Variants in DPP10 observed in about 807,000 individuals in gnomAD.
The protein encoded by DPP10 is inactive dipeptidyl peptidase 10.
In DPP10, 33 loss-of-function variants were observed where a neutral mutation model predicts 120.9. The ratio of observed to expected loss-of-function variants is 0.27; its 90% CI spans 0.21 to 0.37. The LOEUF is 0.37. DPP10 is among the 10% of genes least tolerant of loss of function. The probability of loss-of-function intolerance (pLI) is 1.00; values close to 1 mark genes in which losing one functional copy is unlikely to be tolerated. For synonymous variants in DPP10, 337 were observed against 326.1 expected (o/e 1.03, Z -0.36); for missense variants, 816 against 942.8 (o/e 0.87, Z 1.76).
intron 2 of DPP10, among the ~76,000 whole-genome samples, chr2:115,324,785 T>C (rs942573727): frequency 6.6e-6 from 1 of 152,214 alleles, no homozygotes; most frequent in Non-Finnish European, 1.5e-5. Context: ...TTGATGTGCC[T>C]TCTTCACTAA....
At chr2:114,998,064 C>T (rs1261316648) in intron 1 of DPP10, among the ~76,000 whole-genome samples, 1 of 152,186 alleles carries the variant, frequency 6.6e-6, no homozygotes, top group African/African-American at 2.4e-5. Flanking sequence ...ACCATGATTT[C>T]TCACTCTGAA....
chr2:115,332,789 A>T (rs919064313), intron 2 of DPP10, among the ~76,000 whole-genome samples: 4 of 152,136 alleles, frequency 2.6e-5, no homozygotes, highest in African/African-American at 9.7e-5. Context: ...GGTCTGAGAG[A>T]CAGTTTTTTA....
Position 114,444,652 on chromosome 2 carries a change from C to T in DPP10, c.60+1814C>T, listed in dbSNP as rs534196813. 1.1e-4 allele frequency among the ~76,000 whole-genome samples: 16 copies of T among 152,228 alleles called. No homozygotes were observed. In the East Asian group the frequency reaches 1.9e-3, roughly 18 times the overall value. On this transcript the variant is annotated intron_variant, in intron 1 of 25. Transcript: ENST00000410059. ...TGCAGATGCTGTTTTTTCCTTCTAA[C>T]TGCAGCCATTGAGTTGAAATGAAAA...
chr2:115,123,822 A>G (rs1463899036), intron 1 of DPP10, among the ~76,000 whole-genome samples: 1 of 152,174 alleles, frequency 6.6e-6, no homozygotes, highest in African/African-American at 2.4e-5. Flanking sequence ...TTAATGTGTT[A>G]ATAGACGTTT....
At chr2:115,025,903 T>C (rs1266887698) in intron 1 of DPP10, among the ~76,000 whole-genome samples, 1 of 152,128 alleles carries the variant, frequency 6.6e-6, no homozygotes, top group African/African-American at 2.4e-5. Flanking sequence ...CTGAGCTCCT[T>C]GTGTGTTCTG....
chr2:114,940,634 C>A (rs1224011814), intron 1 of DPP10, among the ~76,000 whole-genome samples: 1 of 151,480 alleles, frequency 6.6e-6, no homozygotes, highest in Non-Finnish European at 1.5e-5. Context: ...GCATAGCAAA[C>A]CCCAGATCAA....
chr2:114,724,160 C>CTGATACACAAGAGCT (rs1701890464), intron 1 of DPP10, among the ~76,000 whole-genome samples: 1 of 152,202 alleles, frequency 6.6e-6, no homozygotes, highest in African/African-American at 2.4e-5. Context: ...CCCAGAGAGG[C>CTGATACACAAGAGCT]TTTAAAATGT....
chr2:114,959,852 C>CCATT (rs756456148), intron 1 of DPP10, among the ~76,000 whole-genome samples: 4 of 152,132 alleles, frequency 2.6e-5, no homozygotes, highest in Non-Finnish European at 2.9e-5. Flanking sequence ...TGCTTATTGG[C>CCATT]CATTCATTTA....
intron 1 of DPP10, among the ~76,000 whole-genome samples, chr2:115,258,383 CAG>C (rs2059099866): frequency 1.3e-5 from 2 of 150,180 alleles, no homozygotes; most frequent in African/African-American, 2.5e-5. Flanking sequence ...TAAAGTTATT[CAG>C]AGAGTTTAAA....
chr2:114,548,569 G>A (rs925458043), intron 1 of DPP10, among the ~76,000 whole-genome samples: 2 of 152,178 alleles, frequency 1.3e-5, no homozygotes, highest in African/African-American at 2.4e-5. Flanking sequence ...TTTTATGAGC[G>A]AGTCTTTTCC....
intron 3 of DPP10, among the ~76,000 whole-genome samples, chr2:115,498,117 A>G (rs1175030713): frequency 6.6e-6 from 1 of 152,024 alleles, no homozygotes; most frequent in East Asian, 1.9e-4. Context: ...TAAAAAGTCC[A>G]TTTGACTTTC....
intron 1 of DPP10, among the ~76,000 whole-genome samples, chr2:114,775,861 CAAT>C (rs1362618863): frequency 1.3e-5 from 2 of 152,108 alleles, no homozygotes; most frequent in Non-Finnish European, 2.9e-5. Context: ...GCAATACAAA[CAAT>C]AAAAGACACT....
chr2:115,830,011 TATAAA>T (rs1688756056), intron 21 of DPP10, among the ~76,000 whole-genome samples: 1 of 152,104 alleles, frequency 6.6e-6, no homozygotes, highest in African/African-American at 2.4e-5. Flanking sequence ...AAGTGCTAAA[TATAAA>T]ACAAAACTCC....
At chr2:115,172,364 A>G (rs1301370243) in intron 1 of DPP10, among the ~76,000 whole-genome samples, 1 of 151,496 alleles carries the variant, frequency 6.6e-6, no homozygotes, top group African/African-American at 2.4e-5. Context: ...AGCCTGGGCG[A>G]CAGAGTGAGA....
At chr2:115,226,206 T>C (rs1279910630) in intron 1 of DPP10, among the ~76,000 whole-genome samples, 1 of 152,160 alleles carries the variant, frequency 6.6e-6, no homozygotes, top group Non-Finnish European at 1.5e-5. Flanking sequence ...CTCGACTGTC[T>C]AGGGATTATC....
intron 1 of DPP10, among the ~76,000 whole-genome samples, chr2:114,736,246 C>A (rs902335566): frequency 1.3e-5 from 2 of 151,990 alleles, no homozygotes; most frequent in African/African-American, 4.8e-5. Context: ...TAACTCTGTG[C>A]GTGCTCATGC....
chr2:115,748,496 T>C (rs1559106924), intron 10 of DPP10, among the ~76,000 whole-genome samples: 1 of 152,050 alleles, frequency 6.6e-6, no homozygotes, highest in African/African-American at 2.4e-5. Flanking sequence ...GGAGGAATAA[T>C]AGTAAGATAA....
At chr2:115,392,174 C>T (rs928106402) in intron 3 of DPP10, among the ~76,000 whole-genome samples, 1 of 148,960 alleles carries the variant, frequency 6.7e-6, no homozygotes, top group African/African-American at 2.5e-5. Flanking sequence ...TTCAAAGTCT[C>T]GTATTTTTAT....
At chr2:115,658,792 A>G (rs13027654) in intron 5 of DPP10, among the ~76,000 whole-genome samples, 20,020 of 152,134 alleles carry the variant, frequency 0.13, 1,514 homozygotes, top group Non-Finnish European at 0.16. Context: ...TAAAATCACT[A>G]CTAATCTCCC....
Sources: gnomAD v4.1 joint callset for allele counts (sites outside exome capture counted in the v4.1 genomes callset) on GRCh38, gnomAD v4.1.1 for gene constraint, MANE v1.5 for transcripts, NCBI Gene and HGNC (gene_info 2026-07-23, HGNC 2026-07-21) for gene names.